Variants in TRIM47 observed in about 807,000 individuals in gnomAD.
TRIM47 encodes E3 ubiquitin-protein ligase TRIM47.
Under a neutral mutation model 54.4 loss-of-function variants are expected in TRIM47, and 46 were observed. The observed-to-expected ratio is 0.84, with a 90% CI of 0.67 to 1.08. The LOEUF is 1.08. TRIM47 is among the 50% of genes least tolerant of loss of function. TRIM47 has a pLI of 0.00. For synonymous variants in TRIM47, 392 were observed against 410.2 expected, an observed-to-expected ratio of 0.96 and a Z score of 0.54; for missense variants, 825 against 910.1, an observed-to-expected ratio of 0.91 and a Z score of 1.20.
At position 75,875,537 on chromosome 17, in the gene TRIM47, C is replaced by T. The variant is rs2065128333; in HGVS notation, c.1202-63G>A. 7.0e-7 allele frequency: 1 copy of T among 1,427,374 alleles called. No individual in the cohort carries two copies. Among genetic ancestry groups the T allele is most frequent in the Admixed American group, 1.7e-5 (1 of 58,354 alleles). 88.4% of individuals were successfully genotyped at this position (1,427,374 alleles called of 1,614,324 possible). On this transcript the variant is annotated intron_variant, in intron 4 of 5. Coordinates refer to ENST00000254816, the MANE Select transcript of TRIM47 (RefSeq NM_033452.3). The surrounding 1 kb of genome is among the most constrained non-coding windows in gnomAD (Gnocchi z 6.1). ...CTGCCCCCCTCTGAACCTGTGACTA[C>T]AATCCCTACCCCCTTCACTTCCTCC...
chr17:75,875,880 G>A lies in TRIM47; in HGVS notation c.1201+21C>T, dbSNP rs2065130002. On this transcript the variant is annotated intron_variant, in intron 4 of 5. Coordinates refer to ENST00000254816, the MANE Select transcript of TRIM47 (RefSeq NM_033452.3). This position sits in a 1 kb window ranked among gnomAD's most constrained non-coding sequence, Gnocchi z 6.1. Reference sequence around the variant, plus strand: ...GGCTGGCAGAGGGTGAGTCATCGGGGGGGCGTGGGGCGGTGCCCACCTTCC... The same window carrying A: ...GGCTGGCAGAGGGTGAGTCATCGGGAGGGCGTGGGGCGGTGCCCACCTTCC... The A allele has an allele frequency of 3.7e-6, 6 of 1,607,020 alleles. No individual in the cohort carries two copies. Among genetic ancestry groups the A allele is most frequent in the Middle Eastern group, 1.7e-4 (1 of 5,886 alleles).
At chr17:75,877,144 G>A (rs1158357933) in intron 1 of TRIM47, 4 of 353,706 alleles carry the variant, frequency 1.1e-5, no homozygotes, top group African/African-American at 2.0e-5. Flanking sequence ...CAGAGAGTAA[G>A]CCAGTTAGGT....
chr17:75,874,973 G>A lies in TRIM47; in HGVS notation c.1427C>T (p.Ala476Val), dbSNP rs1567834475. ...CCAGTAGTAGGTGCCTCGGTCCAGG[G>A]CACCCTCGCCCAGCACCTGCTCACA... ...THCEQVLGEG[A>V]LDRGTYYWEV... Residue 476 changes from alanine (A) to valine (V), a missense_variant, in exon 6 of 6, where the codon GCC becomes GTC. By Grantham distance (64) the Ala-to-Val change is moderately conservative. Coordinates refer to ENST00000254816, the MANE Select transcript of TRIM47 (RefSeq NM_033452.3). The surrounding 1 kb of genome is among the most constrained non-coding windows in gnomAD (Gnocchi z 6.2). 6.2e-7 allele frequency: 1 copy of A among 1,614,108 alleles called. No homozygotes were observed. Among genetic ancestry groups the A allele is most frequent in the Non-Finnish European group, 8.5e-7 (1 of 1,180,000 alleles).
rs79458174 is a variant in TRIM47 at position 75,875,785 on chromosome 17, C to G, written c.1201+116G>C. 0.027 allele frequency: 34,981 copies of G among 1,272,814 alleles called. 563 individuals are homozygous for G. Among genetic ancestry groups the G allele is most frequent in the Non-Finnish European group, 0.033 (30,743 of 928,750 alleles). 78.8% of individuals were successfully genotyped at this position (1,272,814 alleles called of 1,614,324 possible). On this transcript the variant is annotated intron_variant, in intron 4 of 5. Transcript: ENST00000254816. The surrounding 1 kb of genome is among the most constrained non-coding windows in gnomAD (Gnocchi z 6.1). Reference sequence around the variant, plus strand: ...CTAGTCACTGGCAGGATTTGGGCTCCTCCCTGTGCCAGGCACAATTTTCCT... The same window carrying G: ...CTAGTCACTGGCAGGATTTGGGCTCGTCCCTGTGCCAGGCACAATTTTCCT...
At position 75,876,791 on chromosome 17, in the gene TRIM47, C is replaced by T. The variant is rs751573736; in HGVS notation, c.698G>A (p.Ser233Asn). The T allele has an allele frequency of 6.2e-7, 1 of 1,614,150 alleles. No homozygotes were observed. Among genetic ancestry groups the T allele is most frequent in the East Asian group, 2.2e-5 (1 of 44,884 alleles). The change falls in exon 2 of 6, where the codon AGC (serine) becomes AAC (asparagine). Residue 233 changes from serine to asparagine, a missense_variant. Coordinates refer to ENST00000254816, the MANE Select transcript of TRIM47 (RefSeq NM_033452.3). ...CTCGTCCATGCGGTCCTCCACGGCG[C>T]TCAGGACTTTGGACTGCTCAGCCTG... ...LQEAEQSKVL[S>N]AVEDRMDELG...
At position 75,876,752 on chromosome 17, in the gene TRIM47, A is replaced by G. The variant is rs774183449; in HGVS notation, c.737T>C (p.Ile246Thr). Residue 246 changes from isoleucine (I) to threonine (T), a missense_variant, in exon 2 of 6, where the codon ATT (isoleucine) becomes ACT (threonine). Transcript: ENST00000254816. ...EDRMDELGAGIAQSRRTVALI... is the reference protein window; with the variant it reads ...EDRMDELGAGTAQSRRTVALI... ...GGCCACTGTGCGCCTGGACTGTGCA[A>G]TGCCAGCACCCAGCTCGTCCATGCG... is the stretch of plus-strand genomic sequence containing the variant. 1.2e-6 allele frequency: 2 copies of G among 1,614,078 alleles called. No individual in the cohort carries two copies. Among genetic ancestry groups the G allele is most frequent in the African/African-American group, 2.7e-5 (2 of 74,938 alleles).
chr17:75,874,639 G>A lies in TRIM47; in HGVS notation c.1761C>T (p.Ala587=). The A allele has an allele frequency of 6.3e-7, 1 of 1,588,530 alleles. No individual in the cohort carries two copies. Among genetic ancestry groups the A allele is most frequent in the Non-Finnish European group, 8.6e-7 (1 of 1,165,950 alleles). ...ASRPRRGGIP[A]SPIDPFQSRL... The stretch of plus-strand genomic sequence containing the variant: ...GGCTCTGGAAGGGGTCAATGGGGGA[G>A]GCCGGGATGCCACCCCGGCGGGGCC... The change falls in exon 6 of 6, where the codon GCC becomes GCT. Residue 587 remains alanine (A), a synonymous_variant. Coordinates refer to ENST00000254816, the MANE Select transcript of TRIM47 (RefSeq NM_033452.3). The surrounding 1 kb of genome is among the most constrained non-coding windows in gnomAD (Gnocchi z 6.2).
At position 75,875,904 on chromosome 17, in the gene TRIM47, C is replaced by G. The variant is rs1448007982; in HGVS notation, c.1198G>C (p.Glu400Gln). 2 of 1,611,588 alleles carry G rather than the reference C, an allele frequency of 1.2e-6. No individual in the cohort carries two copies. Among genetic ancestry groups the G allele is most frequent in the Non-Finnish European group, 1.7e-6 (2 of 1,179,634 alleles). Residue 400 changes from glutamate (E) to glutamine (Q), a missense_variant, in exon 4 of 6, where the codon GAA (glutamate) becomes CAA (glutamine). Glu to Gln is a conservative substitution (Grantham distance 29). Transcript: ENST00000254816. This position sits in a 1 kb window ranked among gnomAD's most constrained non-coding sequence, Gnocchi z 6.1. Reference sequence around the variant, plus strand: ...GGGGGCGTGGGGCGGTGCCCACCTTCCGAGTCCAGCTTCTGTGGCCCATCC... The same window carrying G: ...GGGGGCGTGGGGCGGTGCCCACCTTGCGAGTCCAGCTTCTGTGGCCCATCC... ...NEDGPQKLDS[E>Q]ADAEPQDLES...
Position 75,878,158 on chromosome 17 carries a change from C to A in TRIM47, c.391G>T (p.Ala131Ser). ...GGCAGGGCCGCGCCCTCGGGGCACG[C>A]GTCGCAGCGCACTGGCTCTTCGCCC... ...PAGEEPVRCDACPEGAALPAA... is the reference protein window; with the variant it reads ...PAGEEPVRCDSCPEGAALPAA... The change falls in exon 1 of 6, where the codon GCG becomes TCG. Residue 131 changes from alanine to serine, a missense_variant. Ala to Ser is a moderately conservative substitution (Grantham distance 99). Coordinates refer to ENST00000254816, the MANE Select transcript of TRIM47 (RefSeq NM_033452.3). 8.1e-7 allele frequency: 1 copy of A among 1,239,368 alleles called. No individual in the cohort carries two copies. The allele number at this position is 1,239,368 out of a possible 1,614,324, so 76.8% of individuals were successfully genotyped here.
In TRIM47 at chr17:75,878,366, G is replaced by C; in HGVS notation, c.183C>G (p.Phe61Leu). 1 of 1,382,410 alleles carries C rather than the reference G, an allele frequency of 7.2e-7. No individual in the cohort carries two copies. Among genetic ancestry groups the C allele is most frequent in the Non-Finnish European group, 9.4e-7 (1 of 1,061,324 alleles). 85.6% of individuals were successfully genotyped at this position (1,382,410 alleles called of 1,614,324 possible). Residue 61 changes from phenylalanine to leucine, a missense_variant, in exon 1 of 6, where the codon TTC becomes TTG. Phe to Leu is a conservative substitution (Grantham distance 22). Coordinates refer to ENST00000254816, the MANE Select transcript of TRIM47 (RefSeq NM_033452.3). ...AARCPLCQEP[F>L]PDGLQLRKNH... ...TCTTGCGGAGCTGAAGGCCGTCGGG[G>C]AAGGGCTCCTGGCACAGCGGGCAGC...
Position 75,874,879 on chromosome 17 carries a change from G to T in TRIM47, c.1521C>A (p.Pro507=). 6.2e-7 allele frequency: 1 copy of T among 1,614,194 alleles called. No homozygotes were observed. The highest frequency in any genetic ancestry group is 8.5e-7 in the Non-Finnish European group (1 of 1,180,038). The change falls in exon 6 of 6, where the codon CCC becomes CCA. Residue 507 remains proline, a synonymous_variant. Transcript: ENST00000254816. This position sits in a 1 kb window ranked among gnomAD's most constrained non-coding sequence, Gnocchi z 6.2. ...VMAEDFSPQE[P]YDRGRLGRNA... ...TGCGGCCCAGCCGGCCGCGGTCGTA[G>T]GGCTCTTGTGGGGAGAAGTCTTCGG... is the stretch of plus-strand genomic sequence containing the variant.
intron 1 of TRIM47, chr17:75,877,074 C>T (rs757052412): frequency 1.2e-5 from 6 of 512,256 alleles, no homozygotes; most frequent in African/African-American, 7.6e-5. Context: ...AGTACAGGGC[C>T]GTCCGCTGGT....
chr17:75,876,394 C>T lies in TRIM47; in HGVS notation c.870G>A (p.Glu290=). ...GFQTQVLGFI[E]EGEAAMLGRS... is the part of the protein sequence containing the mutation. ...GGCCTAGCATGGCAGCTTCCCCCTC[C>T]TCGATGAAGCCCAGCACCTGGGTCT... The change falls in exon 3 of 6, where the codon GAG becomes GAA. Residue 290 remains glutamate, a synonymous_variant. Transcript: ENST00000254816. The T allele has an allele frequency of 6.2e-7, 1 of 1,612,380 alleles. No homozygotes were observed. The highest frequency in any genetic ancestry group is 1.3e-5 in the African/African-American group (1 of 75,062).
At position 75,876,242 on chromosome 17, in the gene TRIM47, GC is replaced by G; in HGVS notation, c.1002+19del. On this transcript the variant is annotated intron_variant, in intron 3 of 5. Transcript: ENST00000254816. ...TGTCCCAGCTTCTGTTCCTTCCGTG[GC>G]CCCCAGAGCGGCCTTCACCTGCAGG... The G allele has an allele frequency of 6.3e-7, 1 of 1,590,662 alleles. No homozygotes were observed.
Position 75,874,758 on chromosome 17 carries a change from C to A in TRIM47, c.1642G>T (p.Val548Phe). The change falls in exon 6 of 6, where the codon GTT becomes TTT. Residue 548 changes from valine (V) to phenylalanine (F), a missense_variant. By Grantham distance (50) the Val-to-Phe change is conservative. Transcript: ENST00000254816. The surrounding 1 kb of genome is among the most constrained non-coding windows in gnomAD (Gnocchi z 6.2). Reference protein sequence around the residue: ...APLPHPFSPTVGVCLEYADRA... With the variant: ...APLPHPFSPTFGVCLEYADRA... ...TCAGCGTATTCCAGGCAGACCCCAACCGTGGGCGAGAAGGGGTGGGGCAGG... is the reference window on the plus strand; with the variant it reads ...TCAGCGTATTCCAGGCAGACCCCAAACGTGGGCGAGAAGGGGTGGGGCAGG... 6.2e-7 allele frequency: 1 copy of A among 1,614,058 alleles called. No homozygotes were observed. The highest frequency in any genetic ancestry group is 8.5e-7 in the Non-Finnish European group (1 of 1,180,022).
At chr17:75,877,676 T>G in intron 1 of TRIM47, 198 bp downstream of exon 1, 1 of 1,232,626 alleles carries the variant, frequency 8.1e-7, no homozygotes, top group Non-Finnish European at 1.0e-6. Context: ...TGTTCTCACG[T>G]CCCTCCTTCC....
In TRIM47 at chr17:75,874,585, G is replaced by A. The variant is rs769445143; in HGVS notation, c.1815C>T (p.Phe605=). The A allele has an allele frequency of 6.5e-7, 1 of 1,542,980 alleles. No individual in the cohort carries two copies. Among genetic ancestry groups the A allele is most frequent in the East Asian group, 2.3e-5 (1 of 44,222 alleles). The change falls in exon 6 of 6, where the codon TTC becomes TTT. Residue 605 remains phenylalanine (F), a synonymous_variant. Transcript: ENST00000254816. The surrounding 1 kb of genome is among the most constrained non-coding windows in gnomAD (Gnocchi z 6.2). Reference sequence around the variant, plus strand: ...AGAAGGCAGGCTTGAGTCTGTGGGTGAAGAGCCCCGCAAAGTGACTGTCCA... The same window carrying A: ...AGAAGGCAGGCTTGAGTCTGTGGGTAAAGAGCCCCGCAAAGTGACTGTCCA... ...SRLDSHFAGL[F]THRLKPAFFL...
Position 75,874,552 on chromosome 17 carries a change from C to T in TRIM47, c.1848G>A (p.Glu616=), listed in dbSNP as rs373260545. 1.3e-6 allele frequency: 2 copies of T among 1,525,570 alleles called. No individual in the cohort carries two copies. The highest frequency in any genetic ancestry group is 8.8e-7 in the Non-Finnish European group (1 of 1,137,792). 94.5% of individuals were successfully genotyped at this position (1,525,570 alleles called of 1,614,324 possible). A position where few individuals can be genotyped will look rare whatever the true frequency, so the allele number is the denominator to read the frequency against. ...THRLKPAFFL[E]SVDAHLQIGP... ...CGATCTGCAAGTGGGCGTCCACACT[C>T]TCCAGGAAGAAGGCAGGCTTGAGTC... The change falls in exon 6 of 6, where the codon GAG becomes GAA. Residue 616 remains glutamate (E), a synonymous_variant. Coordinates refer to ENST00000254816, the MANE Select transcript of TRIM47 (RefSeq NM_033452.3). This position sits in a 1 kb window ranked among gnomAD's most constrained non-coding sequence, Gnocchi z 6.2.
chr17:75,878,412 C>T lies in TRIM47; in HGVS notation c.137G>A (p.Gly46Asp). 7.0e-7 allele frequency: 1 copy of T among 1,429,054 alleles called. No individual in the cohort carries two copies. Among genetic ancestry groups the T allele is most frequent in the Non-Finnish European group, 9.2e-7 (1 of 1,083,414 alleles). The allele number at this position is 1,429,054 out of a possible 1,614,324, so 88.5% of individuals were successfully genotyped here. ...GCAGCGGGCCGCGCCTCCGGGTCCG[C>T]CGGCTCCACTCGCGCCACGATGCGG... ...LWPHRGASGA[G>D]GPGGAARCPL... Residue 46 changes from glycine to aspartate, a missense_variant, in exon 1 of 6, where the codon GGC (glycine) becomes GAC (aspartate). By Grantham distance (94) the Gly-to-Asp change is moderately conservative. Transcript: ENST00000254816.
Sources: gnomAD v4.1 joint callset for allele counts on GRCh38, gnomAD v4.1.1 for gene constraint, Gnocchi (gnomAD v3.1) non-coding constraint, MANE v1.5 for transcripts, NCBI Gene and HGNC (gene_info 2026-07-23, HGNC 2026-07-21) for gene names.